Variants in SGSH observed in about 807,000 individuals in gnomAD.
The protein encoded by SGSH is heparan sulfate sulfatase.
A neutral mutation model predicts 51.0 loss-of-function variants in SGSH; 48 were observed. The ratio of observed to expected loss-of-function variants is 0.94; its 90% confidence interval spans 0.75 to 1.20. The LOEUF (loss-of-function observed/expected upper bound fraction) is 1.20. SGSH is among the 50% of genes most tolerant of loss of function. The probability of loss-of-function intolerance (pLI) is 0.00; values close to 1 mark genes in which losing one functional copy is unlikely to be tolerated. For missense variants in SGSH, 662 were observed against 717.8 expected, an observed-to-expected ratio of 0.92 and a Z score of 0.89; for synonymous variants, 321 against 313.4, an observed-to-expected ratio of 1.02 and a Z score of -0.26.
Position 80,212,682 on chromosome 17 carries a change from ATAC to A in SGSH, c.746-411_746-409del. ...GGGGCCAGAGGACAAGGCTTCCTCT[ATAC>A]CCGCTCCTTCCCAGCTCACTAAGAA... is the stretch of plus-strand genomic sequence containing the variant. On this transcript the variant is annotated intron_variant, in intron 6 of 7. Coordinates refer to ENST00000326317, the MANE Select transcript of SGSH (RefSeq NM_000199.5). This position sits in a 1 kb window ranked among gnomAD's most constrained non-coding sequence, Gnocchi z 5.9. 1 of 326,030 alleles carries A rather than the reference ATAC, an allele frequency of 3.1e-6. No individual in the cohort carries two copies. Among genetic ancestry groups the A allele is most frequent in the Non-Finnish European group, 6.0e-6 (1 of 167,672 alleles). 20.2% of individuals were successfully genotyped at this position (326,030 alleles called of 1,614,324 possible). A position where few individuals can be genotyped will look rare whatever the true frequency, so the allele number is the denominator to read the frequency against.
rs777433840 is a variant in SGSH, at chr17:80,220,278, C to G, written c.36G>C (p.Leu12=). Residue 12 remains leucine, a synonymous_variant, in exon 1 of 8, where the codon CTG becomes CTC. Transcript: ENST00000326317. ...SCPVPACCAL[L]LVLGLCRARP... Reference sequence around the variant, plus strand: ...GCGCCCGGCAGAGCCCCAGGACTAGCAGCAGCGCGCAGCAGGCGGGCACGG... The same window carrying G: ...GCGCCCGGCAGAGCCCCAGGACTAGGAGCAGCGCGCAGCAGGCGGGCACGG... 1.2e-5 allele frequency: 18 copies of G among 1,519,650 alleles called. No individual in the cohort carries two copies. Among genetic ancestry groups the G allele is most frequent in the Non-Finnish European group, 1.6e-5 (18 of 1,140,566 alleles). The allele number at this position is 1,519,650 out of a possible 1,614,324, so 94.1% of individuals were successfully genotyped here.
intron 2 of SGSH, 108 bp from the exon 3 acceptor site, chr17:80,215,246 G>A: frequency 1.3e-6 from 1 of 791,172 alleles, no homozygotes; most frequent in Admixed American, 2.0e-5. Flanking sequence ...TCGGGGCCCT[G>A]ATTTAGACTT....
downstream of SGSH, among the ~76,000 whole-genome samples, chr17:80,207,292 TG>T (rs1369078445): frequency 1.3e-5 from 2 of 152,346 alleles, no homozygotes; most frequent in East Asian, 3.9e-4. Flanking sequence ...GGCTCACGCC[TG>T]TAATCCCAGC....
Position 80,210,905 on chromosome 17 carries a change from C to T in SGSH, c.1056G>A (p.Leu352=), listed in dbSNP as rs1278857164. 3 of 1,611,066 alleles carry T rather than the reference C, an allele frequency of 1.9e-6. No individual in the cohort carries two copies. The highest frequency in any genetic ancestry group is 2.5e-6 in the Non-Finnish European group (3 of 1,179,966). Residue 352 remains leucine, a synonymous_variant, in exon 8 of 8, where the codon CTG becomes CTA. Transcript: ENST00000326317. ...HLTGRSLLPA[L]EAEPLWATVF... is the part of the protein sequence containing the mutation. ...CGGTGGCCCAGAGGGGCTCGGCCTC[C>T]AGCGCCGGCAGGAGGGACCGGCCAG...
chr17:80,207,095 C>G (rs368700533), downstream of SGSH: 15 of 1,600,356 alleles, frequency 9.4e-6, no homozygotes, highest in Non-Finnish European at 1.3e-5. Context: ...AGTAGGTGCA[C>G]GCTGGGGGCT....
intron 1 of SGSH, 101 bp downstream of exon 1, chr17:80,220,125 G>T: frequency 1.3e-6 from 1 of 786,822 alleles, no homozygotes; most frequent in South Asian, 1.8e-5. Context: ...TACAAGGGCA[G>T]GGCACACTAG....
chr17:80,211,127 G>A (rs558462653), intron 7 of SGSH, 116 bp from the exon 8 acceptor site: 23 of 1,533,710 alleles, frequency 1.5e-5, no homozygotes, highest in Admixed American at 3.9e-5. Context: ...AATCAGCAGC[G>A]GGAGGTGCCT....
intron 1 of SGSH, 141 bp from the exon 2 acceptor site, chr17:80,217,333 C>T (rs1042794207): frequency 3.5e-5 from 33 of 938,344 alleles, no homozygotes; most frequent in Admixed American, 4.0e-5. Flanking sequence ...GAACACTCAG[C>T]GCGAAATGCT....
chr17:80,210,620 C>G lies in SGSH; in HGVS notation c.1341G>C (p.Glu447Asp). 6.2e-7 allele frequency: 1 copy of G among 1,613,736 alleles called. No homozygotes were observed. The highest frequency in any genetic ancestry group is 1.1e-5 in the South Asian group (1 of 91,074). Residue 447 changes from glutamate (E) to aspartate (D), a missense_variant, in exon 8 of 8, where the codon GAG becomes GAC. Glu to Asp is a conservative substitution (Grantham distance 45). Coordinates refer to ENST00000326317, the MANE Select transcript of SGSH (RefSeq NM_000199.5). The stretch of plus-strand genomic sequence containing the variant: ...GCGGGTCGGTGGCCAGGTTCTGGGT[C>G]TCGTGGGGGTCCCGGCTCCGGTCGT... ...ELYDRSRDPH[E>D]TQNLATDPRF...
downstream of SGSH, chr17:80,203,797 T>A: frequency 6.4e-7 from 1 of 1,550,858 alleles, no homozygotes; most frequent in Non-Finnish European, 8.7e-7. This position sits in a 1 kb window ranked among gnomAD's most constrained non-coding sequence, Gnocchi z 4.6. Flanking sequence ...GGCAGCTGGG[T>A]CAGGGCCTCT....
downstream of SGSH, chr17:80,201,866 G>A (rs776920670): frequency 1.2e-5 from 20 of 1,612,346 alleles, no homozygotes; most frequent in Middle Eastern, 5.0e-4. The surrounding 1 kb of genome is among the most constrained non-coding windows in gnomAD (Gnocchi z 5.0). Flanking sequence ...AGGTCAACAC[G>A]GACGGTACAC....
downstream of SGSH, among the ~76,000 whole-genome samples, chr17:80,206,132 G>A (rs1165142543): frequency 6.6e-6 from 1 of 152,182 alleles, no homozygotes; most frequent in East Asian, 1.9e-4. Context: ...CAAAGGGATG[G>A]AAACTCTTAA....
chr17:80,208,685 G>A (rs575782829), downstream of SGSH: 30 of 246,326 alleles, frequency 1.2e-4, no homozygotes, highest in Admixed American at 1.1e-3. Context: ...CTGGAAAACC[G>A]CCTGTCTGCA....
downstream of SGSH, chr17:80,202,362 G>T (rs748083207): frequency 6.2e-7 from 1 of 1,613,352 alleles, no homozygotes; most frequent in Non-Finnish European, 8.5e-7. Flanking sequence ...TGCCCACCGC[G>T]TGAACTCTTA....
chr17:80,214,936 G>T (rs1567924171), intron 3 of SGSH, 97 bp downstream of exon 3: 42 of 1,296,528 alleles, frequency 3.2e-5, no homozygotes, highest in Non-Finnish European at 4.6e-5. Flanking sequence ...AGGCCACGGG[G>T]GCTGAGCGTG....
chr17:80,211,072 A>G (rs2041640408), intron 7 of SGSH, 61 bp from the exon 8 acceptor site: 4 of 1,589,934 alleles, frequency 2.5e-6, no homozygotes, highest in Non-Finnish European at 3.4e-6. Context: ...CTGCCCTCGG[A>G]AGGGCCGAAC....
intron 2 of SGSH, among the ~76,000 whole-genome samples, chr17:80,216,463 A>G (rs1418428403): frequency 6.6e-6 from 1 of 152,176 alleles, no homozygotes; most frequent in Non-Finnish European, 1.5e-5. Context: ...GTTTGGGTAG[A>G]TGGAAAAGTT....
intron 7 of SGSH, 127 bp downstream of exon 7, chr17:80,211,944 T>C (rs1188220644): frequency 3.8e-6 from 3 of 780,354 alleles, no homozygotes; most frequent in Admixed American, 4.0e-5. Flanking sequence ...GGAGTGACAG[T>C]CCCTTCCTCA....
intron 2 of SGSH, among the ~76,000 whole-genome samples, 178 bp from the exon 3 acceptor site, chr17:80,215,316 T>C (rs1321259102): frequency 6.6e-6 from 1 of 152,184 alleles, no homozygotes; most frequent in Non-Finnish European, 1.5e-5. Context: ...GATAGGCCCA[T>C]GGGTCCCTCC....
Sources: gnomAD v4.1 joint callset for allele counts (sites outside exome capture counted in the v4.1 genomes callset) on GRCh38, gnomAD v4.1.1 for gene constraint, Gnocchi (gnomAD v3.1) non-coding constraint, MANE v1.5 for transcripts, NCBI Gene and HGNC (gene_info 2026-07-23, HGNC 2026-07-21) for gene names.